The following PREX1 variants were observed in gnomAD, a reference collection of about 807,000 sequenced individuals.
The protein encoded by PREX1 is phosphatidylinositol-3,4,5-trisphosphate dependent Rac exchange factor 1, also known as phosphatidylinositol 3,4,5-trisphosphate-dependent Rac exchanger 1 protein.
A neutral mutation model predicts 198.3 loss-of-function variants in PREX1; 41 were observed. The observed-to-expected ratio is 0.21, with a 90% CI of 0.16 to 0.27. The LOEUF is 0.27. Among genes scored for constraint, PREX1 ranks in the 10% least tolerant of loss-of-function variants. PREX1 has a pLI of 1.00. For synonymous variants in PREX1, 843 were observed against 887.2 expected (o/e 0.95, Z 0.89); for missense variants, 1,620 against 2,200.7 (o/e 0.74, Z 5.28).
chr20:48,704,870 T>TA (rs2089895439), intron 6 of PREX1, among the ~76,000 whole-genome samples: 3 of 152,184 alleles, frequency 2.0e-5, no homozygotes, highest in Admixed American at 6.5e-5. Flanking sequence ...TCTTTCTTCT[T>TA]AAGAGTACAC....
chr20:48,790,460 A>G (rs1260260115), intron 1 of PREX1, among the ~76,000 whole-genome samples: 2 of 152,118 alleles, frequency 1.3e-5, no homozygotes, highest in African/African-American at 4.8e-5. Flanking sequence ...GCTGCAAGGT[A>G]ATTTAAGAAG....
intron 25 of PREX1, 108 bp downstream of exon 25, chr20:48,649,192 G>A (rs2089472792): frequency 2.1e-6 from 3 of 1,460,508 alleles, no homozygotes; most frequent in Non-Finnish European, 2.8e-6. Context: ...TAATGTCCAG[G>A]ACAGCCCACC....
the PREX1 span, among the ~76,000 whole-genome samples, chr20:48,856,081 G>A: frequency 6.6e-6 from 1 of 152,246 alleles, no homozygotes; most frequent in Non-Finnish European, 1.5e-5. Context: ...TGAAGTGTGT[G>A]TACCTGGGGA....
chr20:48,649,233 T>C, intron 25 of PREX1, 67 bp downstream of exon 25: 3 of 1,559,928 alleles, frequency 1.9e-6, no homozygotes, highest in South Asian at 1.2e-5. Context: ...CTACCCACAA[T>C]GTCAGTAAGG....
At chr20:48,758,546 C>CA (rs2090165145) in intron 1 of PREX1, among the ~76,000 whole-genome samples, 1 of 152,066 alleles carries the variant, frequency 6.6e-6, no homozygotes, top group African/African-American at 2.4e-5. Context: ...TCTCCTAATA[C>CA]ACACCAGGAC....
the PREX1 span, among the ~76,000 whole-genome samples, chr20:48,834,319 G>A: frequency 6.6e-5 from 10 of 152,072 alleles, no homozygotes; most frequent in Non-Finnish European, 1.2e-4. Context: ...AATGCCAGAT[G>A]GTTTCAACAG....
chr20:48,828,322 C>G (rs369121175), upstream of PREX1, among the ~76,000 whole-genome samples: 1 of 151,942 alleles, frequency 6.6e-6, no homozygotes, highest in South Asian at 2.1e-4. Context: ...CGCGTGGCGC[C>G]CCCCCAACCC....
intron 15 of PREX1, among the ~76,000 whole-genome samples, chr20:48,662,980 G>A (rs1053100020): frequency 7.2e-5 from 11 of 152,188 alleles, no homozygotes; most frequent in Non-Finnish European, 1.6e-4. Context: ...CGGGAGGCTC[G>A]GGGCTGTCAG....
At chr20:48,650,234 G>T in intron 23 of PREX1, 28 bp from the exon 24 acceptor site, 1 of 1,574,326 alleles carries the variant, frequency 6.4e-7, no homozygotes, top group Admixed American at 1.7e-5. Flanking sequence ...GTAAGGTCGT[G>T]AATCACAGGG....
chr20:48,802,868 C>A (rs983049330), intron 1 of PREX1, among the ~76,000 whole-genome samples: 1 of 152,216 alleles, frequency 6.6e-6, no homozygotes, highest in African/African-American at 2.4e-5. Flanking sequence ...GGCCGTTCTG[C>A]GAGCTTGTAA....
At chr20:48,767,589 G>C (rs746541013) in intron 1 of PREX1, among the ~76,000 whole-genome samples, 2 of 152,094 alleles carry the variant, frequency 1.3e-5, no homozygotes, top group Non-Finnish European at 2.9e-5. Context: ...CAACGCTTAC[G>C]TTACCATCAC....
At chr20:48,696,604 CACACAT>C (rs1169685217) in intron 7 of PREX1, among the ~76,000 whole-genome samples, 1 of 114,324 alleles carries the variant, frequency 8.7e-6, no homozygotes, top group African/African-American at 4.1e-5. Flanking sequence ...TTTACACACA[CACACAT>C]ACATACATAC....
chr20:48,840,944 C>T, the PREX1 span, among the ~76,000 whole-genome samples: 3 of 144,724 alleles, frequency 2.1e-5, no homozygotes, highest in African/African-American at 7.8e-5. Flanking sequence ...ACACCTCAGC[C>T]TCCCAAGTAG....
chr20:48,769,823 T>C lies in PREX1; in HGVS notation c.220-21943A>G, dbSNP rs2090227095. Among the ~76,000 whole-genome samples the C allele has an allele frequency of 2.6e-5, 4 of 152,180 alleles. No homozygotes were observed. In the South Asian group the frequency reaches 8.3e-4, roughly 31 times the overall value. On this transcript the variant is annotated intron_variant, in intron 1 of 39. Coordinates refer to ENST00000371941, the MANE Select transcript of PREX1 (RefSeq NM_020820.4). ...CAGCAGCCCAGCCCTCTAATTTTGC[T>C]TCATGTTTTTCCATAGCACTTACCA...
At position 48,666,561 on chromosome 20, in the gene PREX1, T is replaced by C. The variant is rs2089642176; in HGVS notation, c.1666-206A>G. Among the ~76,000 whole-genome samples the C allele has an allele frequency of 6.6e-6, 1 of 152,222 alleles. No homozygotes were observed. Among genetic ancestry groups the C allele is most frequent in the African/African-American group, 2.4e-5 (1 of 41,454 alleles). On this transcript the variant is annotated intron_variant, in intron 14 of 39. Transcript: ENST00000371941. This position sits in a 1 kb window ranked among gnomAD's most constrained non-coding sequence, Gnocchi z 4.3. Reference sequence around the variant, plus strand: ...ATTTTTTTGAGACAGAGTCTCACTCTATCGCCCAGGCTGGAGTGCAGTGGC... The same window carrying C: ...ATTTTTTTGAGACAGAGTCTCACTCCATCGCCCAGGCTGGAGTGCAGTGGC...
At position 48,625,844 on chromosome 20, in the gene PREX1, C is replaced by G. The variant is rs1370394598; in HGVS notation, c.*41G>C. ...CTGCCTGCTGTGTCCTCCCAAATCC[C>G]AGCTCCAGAGGCCGCGGCCCAGCGT... On this transcript the variant is annotated 3_prime_UTR_variant, in exon 40 of 40. Coordinates refer to ENST00000371941, the MANE Select transcript of PREX1 (RefSeq NM_020820.4). 1 of 1,533,380 alleles carries G rather than the reference C, an allele frequency of 6.5e-7. No individual in the cohort carries two copies. Among genetic ancestry groups the G allele is most frequent in the Non-Finnish European group, 8.8e-7 (1 of 1,137,510 alleles). The allele number at this position is 1,533,380 out of a possible 1,614,324, so 95.0% of individuals were successfully genotyped here.
At chr20:48,874,807 G>C in the PREX1 span, among the ~76,000 whole-genome samples, 7 of 150,762 alleles carry the variant, frequency 4.6e-5, no homozygotes, top group Non-Finnish European at 8.9e-5. Context: ...AACCCAGGAG[G>C]TGGAGGTTGT....
At chr20:48,658,332 G>C in intron 16 of PREX1, 104 bp from the exon 17 acceptor site, 1 of 1,164,516 alleles carries the variant, frequency 8.6e-7, no homozygotes, top group Non-Finnish European at 1.2e-6. Flanking sequence ...AGGTCTAGTA[G>C]GGAAGTGGCC....
the PREX1 span, among the ~76,000 whole-genome samples, chr20:48,843,153 C>T: frequency 1.3e-5 from 2 of 152,174 alleles, no homozygotes; most frequent in Non-Finnish European, 2.9e-5. Flanking sequence ...TTCCGTATTA[C>T]TCAATGATCC....
Sources: gnomAD v4.1 joint callset for allele counts (sites outside exome capture counted in the v4.1 genomes callset) on GRCh38, gnomAD v4.1.1 for gene constraint, Gnocchi (gnomAD v3.1) non-coding constraint, MANE v1.5 for transcripts, NCBI Gene and HGNC (gene_info 2026-07-23, HGNC 2026-07-21) for gene names.